The following SV2B variants were observed in gnomAD, a reference collection of about 807,000 sequenced individuals.
SV2B encodes the protein synaptic vesicle glycoprotein 2B.
A neutral mutation model predicts 73.9 loss-of-function variants in SV2B; 41 were observed. The observed-to-expected ratio is 0.56, with a 90% CI of 0.43 to 0.72. The LOEUF (loss-of-function observed/expected upper bound fraction) is 0.72. Ranked by LOEUF, SV2B falls within the 30% of genes least tolerant of loss-of-function variation. The pLI, the probability that SV2B is intolerant of heterozygous loss-of-function variation, is 0.00. For synonymous variants in SV2B, 314 were observed against 314.2 expected, an observed-to-expected ratio of 1.00 and a Z score of 0.01; for missense variants, 764 against 857.8, an observed-to-expected ratio of 0.89 and a Z score of 1.37.
chr15:91,127,440 G>A (rs571517363), intron 1 of SV2B, among the ~76,000 whole-genome samples: 1 of 152,026 alleles, frequency 6.6e-6, no homozygotes, highest in South Asian at 2.1e-4. Context: ...TGCCGGGAAG[G>A]CATCCTGTTC....
At chr15:91,120,007 G>T (rs770496853) in intron 1 of SV2B, among the ~76,000 whole-genome samples, 1 of 152,186 alleles carries the variant, frequency 6.6e-6, no homozygotes, top group Non-Finnish European at 1.5e-5. Context: ...ATACTTATAA[G>T]AAATATTCTC....
intron 12 of SV2B, among the ~76,000 whole-genome samples, chr15:91,291,643 C>T (rs2049043509): frequency 1.3e-5 from 2 of 152,190 alleles, no homozygotes; most frequent in Admixed American, 1.3e-4. Flanking sequence ...TTAAGCATTG[C>T]ATTTTTCTTT....
At position 91,245,470 on chromosome 15, in the gene SV2B, CTGAG is replaced by C. The variant is rs537331883; in HGVS notation, c.452-6346_452-6343del. Reference sequence around the variant, plus strand: ...TAAAGCCTGCTGACAACAGCTGTCTCTGAGTGGTGGTATGATGAATAGATTATTG... The same window carrying C: ...TAAAGCCTGCTGACAACAGCTGTCTCTGGTGGTATGATGAATAGATTATTG... On this transcript the variant is annotated intron_variant, in intron 2 of 12. Coordinates refer to ENST00000394232, the MANE Select transcript of SV2B (RefSeq NM_001323032.3). This position sits in a 1 kb window ranked among gnomAD's most constrained non-coding sequence, Gnocchi z 4.2. Among the ~76,000 whole-genome samples the C allele has an allele frequency of 4.9e-3, 739 of 152,318 alleles. 3 individuals carry two copies. The highest frequency in any genetic ancestry group is 6.4e-3 in the Non-Finnish European group (435 of 68,034).
At chr15:91,204,309 C>T (rs1483421958) in intron 1 of SV2B, among the ~76,000 whole-genome samples, 1 of 152,036 alleles carries the variant, frequency 6.6e-6, no homozygotes, top group Non-Finnish European at 1.5e-5. Context: ...TAACTCAGTT[C>T]CTTGGTTGCA....
chr15:91,208,749 C>T lies in SV2B; in HGVS notation c.-391-17124C>T, dbSNP rs138826630. ...TAGCAATAGGAGGGCAATGAAGATG[C>T]ATCTTTTAAAAAAATGATCTTCTCC... On this transcript the variant is annotated intron_variant, in intron 1 of 12. Transcript: ENST00000394232. 2.0e-5 allele frequency among the ~76,000 whole-genome samples: 3 copies of T among 152,238 alleles called. No homozygotes were observed. In the East Asian group the frequency reaches 5.8e-4, roughly 29 times the overall value.
intron 1 of SV2B, among the ~76,000 whole-genome samples, chr15:91,158,391 A>G (rs1349906846): frequency 1.3e-5 from 2 of 152,060 alleles, no homozygotes; most frequent in East Asian, 3.9e-4. Flanking sequence ...GAATGAATGA[A>G]TGAGGCAATA....
In SV2B at chr15:91,139,317, A is replaced by G. The variant is rs1480346813; in HGVS notation, c.-392+38954A>G. On this transcript the variant is annotated intron_variant, in intron 1 of 12. Coordinates refer to ENST00000394232, the MANE Select transcript of SV2B (RefSeq NM_001323032.3). The surrounding 1 kb of genome is among the most constrained non-coding windows in gnomAD (Gnocchi z 5.2). ...ATTAAATTATTCTCTCTACTTTTGA[A>G]TGTGCTTGCAAATTTCCACAATAAA... Among the ~76,000 whole-genome samples, 1 of 151,994 alleles carries G rather than the reference A, an allele frequency of 6.6e-6. No homozygotes were observed. The highest frequency in any genetic ancestry group is 1.5e-5 in the Non-Finnish European group (1 of 68,016).
chr15:91,276,899 G>T (rs865786731), intron 9 of SV2B, among the ~76,000 whole-genome samples: 1 of 124,686 alleles, frequency 8.0e-6, no homozygotes, highest in African/African-American at 3.5e-5. Flanking sequence ...TCAGCTCACC[G>T]CAATCTCTGC....
At chr15:91,238,066 A>G (rs374670946) in intron 2 of SV2B, among the ~76,000 whole-genome samples, 27 of 152,312 alleles carry the variant, frequency 1.8e-4, no homozygotes, top group African/African-American at 6.5e-4. Flanking sequence ...GGGTTCCTTT[A>G]TATGAATGAA....
intron 1 of SV2B, among the ~76,000 whole-genome samples, chr15:91,179,996 T>A (rs2044484139): frequency 6.6e-6 from 1 of 151,816 alleles, no homozygotes; most frequent in African/African-American, 2.4e-5. Flanking sequence ...CTCGATGGTC[T>A]TTACATTTTG....
intron 1 of SV2B, among the ~76,000 whole-genome samples, chr15:91,212,849 T>G (rs1056779232): frequency 6.7e-6 from 1 of 149,974 alleles, no homozygotes; most frequent in Non-Finnish European, 1.5e-5. Context: ...AAAGTGACTT[T>G]AAAAAGAGAA....
chr15:91,165,165 C>T (rs936409169), intron 1 of SV2B, among the ~76,000 whole-genome samples: 2 of 151,862 alleles, frequency 1.3e-5, no homozygotes, highest in Admixed American at 6.6e-5. Flanking sequence ...GTTGAAACCC[C>T]ATCTCTACTA....
chr15:91,179,044 C>A (rs1296122974), intron 1 of SV2B, among the ~76,000 whole-genome samples: 1 of 151,712 alleles, frequency 6.6e-6, no homozygotes, highest in South Asian at 2.1e-4. Context: ...TTATAAATTT[C>A]CCTCTACACA....
At position 91,245,162 on chromosome 15, in the gene SV2B, A is replaced by C. The variant is rs886908152; in HGVS notation, c.452-6657A>C. Among the ~76,000 whole-genome samples, 1 of 152,304 alleles carries C rather than the reference A, an allele frequency of 6.6e-6. No individual in the cohort carries two copies. The highest frequency in any genetic ancestry group is 2.4e-5 in the African/African-American group (1 of 41,548). ...CTGTCTGTGTGAAAAGCATCTCTAA[A>C]GCTGAGAAGAGGTTTCTGATATCTG... On this transcript the variant is annotated intron_variant, in intron 2 of 12. Coordinates refer to ENST00000394232, the MANE Select transcript of SV2B (RefSeq NM_001323032.3). The surrounding 1 kb of genome is among the most constrained non-coding windows in gnomAD (Gnocchi z 4.2).
At chr15:91,264,090 G>A (rs186855010) in intron 6 of SV2B, among the ~76,000 whole-genome samples, 6 of 152,368 alleles carry the variant, frequency 3.9e-5, no homozygotes, top group South Asian at 4.1e-4. Flanking sequence ...TCCCAGGCAC[G>A]CTGTCAGCTC....
intron 1 of SV2B, among the ~76,000 whole-genome samples, chr15:91,162,420 G>T (rs969059532): frequency 2.0e-5 from 3 of 152,178 alleles, no homozygotes; most frequent in African/African-American, 7.2e-5. Context: ...TTATGCAAAA[G>T]AAGTAGGAAC....
chr15:91,186,969 A>T (rs1431416464), intron 1 of SV2B, among the ~76,000 whole-genome samples: 1 of 152,270 alleles, frequency 6.6e-6, no homozygotes. Flanking sequence ...ATTTATTTTC[A>T]GAGCCTGTTT....
rs745360547 is a variant in SV2B at position 91,289,685 on chromosome 15, G to A, written c.1868+5G>A. ...GCTGTATCCCACCAACCAGAGGTCA[G>A]TTCTTCCCCAGGCTTTCCTCAGGGA... On this transcript the variant is annotated splice_donor_5th_base_variant and intron_variant, in intron 12 of 12. Coordinates refer to ENST00000394232, the MANE Select transcript of SV2B (RefSeq NM_001323032.3). The surrounding 1 kb of genome is among the most constrained non-coding windows in gnomAD (Gnocchi z 4.9). 1 of 1,610,898 alleles carries A rather than the reference G, an allele frequency of 6.2e-7. No individual in the cohort carries two copies. Among genetic ancestry groups the A allele is most frequent in the Non-Finnish European group, 8.5e-7 (1 of 1,178,626 alleles).
chr15:91,238,900 G>A (rs538292128), intron 2 of SV2B, among the ~76,000 whole-genome samples: 3 of 152,016 alleles, frequency 2.0e-5, no homozygotes, highest in South Asian at 2.1e-4. Context: ...GAGAACACTC[G>A]GGTCCTCGGT....
Sources: allele counts gnomAD v4.1 joint callset (sites outside exome capture counted in the v4.1 genomes callset), GRCh38; gene constraint gnomAD v4.1.1; non-coding constraint Gnocchi (gnomAD v3.1); transcripts MANE v1.5; gene names NCBI Gene and HGNC (gene_info 2026-07-23, HGNC 2026-07-21).